Variants in YEATS2 observed in about 807,000 individuals in gnomAD.
YEATS2 encodes the protein YEATS domain containing 2.
YEATS2 carries 77 observed loss-of-function variants against 163.2 expected under a neutral mutation model. That is an observed-to-expected ratio of 0.47 (90% CI 0.39 to 0.57). YEATS2 has a LOEUF of 0.57. YEATS2 is among the 20% of genes least tolerant of loss of function. The pLI is 0.00. For missense variants in YEATS2, 1,549 were observed against 1,729.8 expected, an observed-to-expected ratio of 0.90 and a Z score of 1.85; for synonymous variants, 631 against 645.1, an observed-to-expected ratio of 0.98 and a Z score of 0.33.
intron 22 of YEATS2, among the ~76,000 whole-genome samples, chr3:183,798,344 G>T (rs1469470810): frequency 6.6e-6 from 1 of 152,114 alleles, no homozygotes; most frequent in South Asian, 2.1e-4. Flanking sequence ...ACATTAATTG[G>T]ATTGTTGTTT....
intron 20 of YEATS2, among the ~76,000 whole-genome samples, chr3:183,789,187 G>A (rs1002956289): frequency 6.6e-6 from 1 of 152,090 alleles, no homozygotes; most frequent in Non-Finnish European, 1.5e-5. Flanking sequence ...TACTACTCAG[G>A]AAATCTTTGC....
At chr3:183,728,545 A>G in intron 6 of YEATS2, 145 bp from the exon 7 acceptor site, 1 of 684,644 alleles carries the variant, frequency 1.5e-6, no homozygotes. Flanking sequence ...TAACTTGCAA[A>G]GACTCATTTT....
At chr3:183,810,287 C>G in intron 30 of YEATS2, 188 bp from the exon 31 acceptor site, 1 of 542,866 alleles carries the variant, frequency 1.8e-6, no homozygotes, top group South Asian at 2.4e-5. Context: ...AACTTGTTGA[C>G]ATCCTTCTCA....
intron 21 of YEATS2, 150 bp from the exon 22 acceptor site, chr3:183,797,773 C>G (rs1725297344): frequency 3.4e-6 from 3 of 872,870 alleles, no homozygotes; most frequent in Middle Eastern, 2.3e-4. Context: ...TCCACAGCAT[C>G]TGTTGTCTCC....
At chr3:183,769,732 C>T (rs1025497876) in intron 15 of YEATS2, among the ~76,000 whole-genome samples, 2 of 152,000 alleles carry the variant, frequency 1.3e-5, no homozygotes, top group South Asian at 2.1e-4. Flanking sequence ...CTTGCTCTGT[C>T]GCCAGGCTAG....
intron 20 of YEATS2, among the ~76,000 whole-genome samples, chr3:183,789,521 GTTAATTTTTTT>G (rs1346662286): frequency 3.3e-5 from 3 of 91,930 alleles, no homozygotes; most frequent in African/African-American, 1.2e-4. Flanking sequence ...ATTCATTCGA[GTTAATTTTTTT>G]TTTTTTTTTT....
intron 11 of YEATS2, among the ~76,000 whole-genome samples, chr3:183,754,581 T>C (rs56866152): frequency 0.024 from 3,635 of 152,238 alleles, 150 homozygotes; most frequent in African/African-American, 0.083. Flanking sequence ...TAAATGAAAC[T>C]CAAATGGTCA....
chr3:183,732,854 C>T (rs995456650), intron 7 of YEATS2, among the ~76,000 whole-genome samples: 3 of 150,890 alleles, frequency 2.0e-5, no homozygotes, highest in Non-Finnish European at 4.4e-5. Context: ...CCACTGCACC[C>T]GGCCAATTTT....
intron 8 of YEATS2, among the ~76,000 whole-genome samples, chr3:183,745,983 C>T (rs538564596): frequency 6.6e-6 from 1 of 152,318 alleles, no homozygotes; most frequent in African/African-American, 2.4e-5. Context: ...AGGCGTGCGC[C>T]ACCATGCCTG....
rs569412497 is a variant in YEATS2, at chr3:183,754,897, G to A, written c.1390+532G>A. 1.9e-4 allele frequency among the ~76,000 whole-genome samples: 29 copies of A among 152,232 alleles called. 1 individual carries two copies. Among genetic ancestry groups the A allele is most frequent in the African/African-American group, 5.8e-4 (24 of 41,532 alleles). ...TTGCCTTGTGATAGTTTCATTTTAT[G>A]TTAGGTAAAATTTAGTAGGAATATA... On this transcript the variant is annotated intron_variant, in intron 11 of 30. Coordinates refer to ENST00000305135, the MANE Select transcript of YEATS2 (RefSeq NM_018023.5).
chr3:183,811,236 G>A lies in YEATS2; in HGVS notation c.*653G>A, dbSNP rs1032265889. ...TGTCAAAGCAGTGGCAAGGGACGGAGAGGTCCCAACAGGAGTCAGGAAGAG... is the reference window on the plus strand; with the variant it reads ...TGTCAAAGCAGTGGCAAGGGACGGAAAGGTCCCAACAGGAGTCAGGAAGAG... On this transcript the variant is annotated 3_prime_UTR_variant, in exon 31 of 31. Transcript: ENST00000305135. The A allele has an allele frequency of 6.5e-6, 1 of 152,984 alleles. No homozygotes were observed. The highest frequency in any genetic ancestry group is 6.5e-5 in the Admixed American group (1 of 15,332). 9.5% of individuals were successfully genotyped at this position (152,984 alleles called of 1,614,324 possible). A position where few individuals can be genotyped will look rare whatever the true frequency, so the allele number is the denominator to read the frequency against.
Position 183,736,780 on chromosome 3 carries a change from A to T in YEATS2, c.875A>T (p.His292Leu). 1 of 1,614,042 alleles carries T rather than the reference A, an allele frequency of 6.2e-7. No homozygotes were observed. Among genetic ancestry groups the T allele is most frequent in the Non-Finnish European group, 8.5e-7 (1 of 1,179,974 alleles). ...GAGTTTCCCGTCAGAGTTCAAGTTCATTTTAAGGACAGCCAGAACAAGCGG... is the reference window on the plus strand; with the variant it reads ...GAGTTTCCCGTCAGAGTTCAAGTTCTTTTTAAGGACAGCCAGAACAAGCGG... ...WGEFPVRVQVHFKDSQNKRID... is the reference protein window; with the variant it reads ...WGEFPVRVQVLFKDSQNKRID... The change falls in exon 8 of 31, where the codon CAT becomes CTT. Residue 292 changes from histidine to leucine, a missense_variant. His to Leu is a moderately conservative substitution (Grantham distance 99). Coordinates refer to ENST00000305135, the MANE Select transcript of YEATS2 (RefSeq NM_018023.5).
At chr3:183,789,553 T>TTG (rs1491315070) in intron 20 of YEATS2, among the ~76,000 whole-genome samples, 5 of 118,042 alleles carry the variant, frequency 4.2e-5, no homozygotes, top group African/African-American at 1.5e-4. Flanking sequence ...TTTTTTTTTT[T>TTG]GAGACAGAGT....
chr3:183,755,252 G>A (rs2109307455), intron 11 of YEATS2, among the ~76,000 whole-genome samples: 1 of 152,186 alleles, frequency 6.6e-6, no homozygotes, highest in East Asian at 1.9e-4. Flanking sequence ...CAAGTAGCTG[G>A]GACTGCAGGC....
At chr3:183,797,089 C>T (rs910183799) in intron 21 of YEATS2, among the ~76,000 whole-genome samples, 3 of 151,514 alleles carry the variant, frequency 2.0e-5, no homozygotes, top group African/African-American at 7.3e-5. Flanking sequence ...GCCAACATGG[C>T]GAAACACTGT....
At chr3:183,759,047 G>A (rs1721069425) in intron 13 of YEATS2, 82 bp downstream of exon 13, 1 of 947,890 alleles carries the variant, frequency 1.1e-6, no homozygotes, top group Non-Finnish European at 1.5e-6. Context: ...AATGGAGATG[G>A]GGTCTCCCCG....
chr3:183,709,609 A>G (rs1210516464), intron 1 of YEATS2, among the ~76,000 whole-genome samples: 1 of 151,968 alleles, frequency 6.6e-6, no homozygotes, highest in Non-Finnish European at 1.5e-5. Context: ...TGCTGAGATT[A>G]CAGGCCTGAG....
chr3:183,795,804 C>A (rs1234108494), intron 21 of YEATS2, among the ~76,000 whole-genome samples: 1 of 152,008 alleles, frequency 6.6e-6, no homozygotes, highest in Non-Finnish European at 1.5e-5. Context: ...TTGTTAAACT[C>A]CTCAAGATCC....
chr3:183,763,438 C>T (rs536687161), intron 15 of YEATS2, among the ~76,000 whole-genome samples: 74 of 152,122 alleles, frequency 4.9e-4, no homozygotes, highest in Non-Finnish European at 9.9e-4. Context: ...ACTAAAACAT[C>T]GTTAATGTGG....
Sources: allele counts gnomAD v4.1 joint callset (sites outside exome capture counted in the v4.1 genomes callset), GRCh38; gene constraint gnomAD v4.1.1; transcripts MANE v1.5; gene names NCBI Gene and HGNC (gene_info 2026-07-23, HGNC 2026-07-21).